The following PTPRD variants were observed in gnomAD, a reference collection of about 807,000 sequenced individuals.
The protein encoded by PTPRD is protein tyrosine phosphatase receptor type D.
In PTPRD, 34 loss-of-function variants were observed where a neutral mutation model predicts 214.5. That is an observed-to-expected ratio of 0.16 (90% CI 0.12 to 0.21). The LOEUF (loss-of-function observed/expected upper bound fraction) is 0.21, where lower values mean the gene tolerates loss of function less well. Among genes scored for constraint, PTPRD ranks in the 10% least tolerant of loss-of-function variants. PTPRD has a pLI of 1.00. For synonymous variants in PTPRD, 1,128 were observed against 845.7 expected, an observed-to-expected ratio of 1.33 and a Z score of -5.79; for missense variants, 2,545 against 2,398.7, an observed-to-expected ratio of 1.06 and a Z score of -1.27.
At chr9:9,481,422 T>C (rs961571404) in intron 8 of PTPRD, among the ~76,000 whole-genome samples, 2 of 152,118 alleles carry the variant, frequency 1.3e-5, no homozygotes, top group Non-Finnish European at 2.9e-5. Context: ...TATGTCAAAA[T>C]AGCATAATTT....
chr9:9,236,853 C>T (rs1309652464), intron 9 of PTPRD, among the ~76,000 whole-genome samples: 3 of 152,056 alleles, frequency 2.0e-5, no homozygotes, highest in Non-Finnish European at 4.4e-5. Context: ...AAATTGACTA[C>T]CGCCAGCTCT....
At chr9:10,561,213 T>C (rs2063878991) in intron 2 of PTPRD, among the ~76,000 whole-genome samples, 1 of 152,160 alleles carries the variant, frequency 6.6e-6, no homozygotes, top group South Asian at 2.1e-4. Flanking sequence ...TTAGAGCAGG[T>C]TATTGACTTT....
intron 10 of PTPRD, among the ~76,000 whole-genome samples, chr9:9,028,494 C>CA (rs2099594537): frequency 6.6e-6 from 1 of 151,902 alleles, no homozygotes; most frequent in Non-Finnish European, 1.5e-5. Flanking sequence ...CCTAAACTAA[C>CA]AATTAAATTT....
At chr9:10,608,272 T>C (rs779872771) in intron 2 of PTPRD, among the ~76,000 whole-genome samples, 15 of 152,032 alleles carry the variant, frequency 9.9e-5, no homozygotes, top group Non-Finnish European at 1.6e-4. Context: ...ATCCTTCTGA[T>C]ATTGGGTACA....
chr9:8,497,567 C>G (rs1000312261), intron 25 of PTPRD, among the ~76,000 whole-genome samples: 5 of 152,162 alleles, frequency 3.3e-5, no homozygotes, highest in African/African-American at 1.2e-4. Flanking sequence ...ATATCCTACT[C>G]GTATTTATTT....
chr9:8,599,894 A>G (rs2094729292), intron 14 of PTPRD, among the ~76,000 whole-genome samples: 1 of 152,142 alleles, frequency 6.6e-6, no homozygotes, highest in Admixed American at 6.5e-5. Flanking sequence ...TGGAATTTAC[A>G]GGCATGAGCC....
intron 30 of PTPRD, among the ~76,000 whole-genome samples, chr9:8,476,679 A>G (rs191576115): frequency 6.6e-6 from 1 of 152,312 alleles, no homozygotes; most frequent in Admixed American, 6.5e-5. Flanking sequence ...TTATATATTT[A>G]TAAAAACATT....
intron 9 of PTPRD, among the ~76,000 whole-genome samples, chr9:9,288,667 G>A (rs1950242391): frequency 1.3e-5 from 2 of 151,842 alleles, no homozygotes; most frequent in African/African-American, 2.4e-5. Flanking sequence ...TCATAGGTAA[G>A]TTAAATACAT....
chr9:8,410,810 G>A (rs1399545361), intron 35 of PTPRD, among the ~76,000 whole-genome samples: 4 of 151,988 alleles, frequency 2.6e-5, no homozygotes, highest in East Asian at 1.9e-4. Flanking sequence ...TAACAAATAC[G>A]TATAGAAAAT....
At chr9:9,067,213 AGAGT>A (rs1241488717) in intron 10 of PTPRD, among the ~76,000 whole-genome samples, 2 of 152,224 alleles carry the variant, frequency 1.3e-5, no homozygotes, top group Non-Finnish European at 2.9e-5. Context: ...CTGGGCAATA[AGAGT>A]GAGACTCCGT....
In PTPRD at chr9:10,155,940, C is replaced by T. The variant is rs141822312; in HGVS notation, c.-544-122150G>A. ...TTGTGTCTCTGGCATGTTTGGATAT[C>T]AGGATGATGCTGGCTTCATAGAATG... is the stretch of plus-strand genomic sequence containing the variant. On this transcript the variant is annotated intron_variant, in intron 3 of 45. Transcript: ENST00000381196. Among the ~76,000 whole-genome samples, 211 of 152,106 alleles carry T rather than the reference C, an allele frequency of 1.4e-3. 2 individuals carry two copies. Among genetic ancestry groups the T allele is most frequent in the African/African-American group, 4.8e-3 (198 of 41,502 alleles).
chr9:9,429,872 C>G (rs930993957), intron 8 of PTPRD, among the ~76,000 whole-genome samples: 1 of 152,104 alleles, frequency 6.6e-6, no homozygotes. Flanking sequence ...TAAAAACTCT[C>G]AATAAATTAG....
chr9:10,405,373 A>C (rs893400887), intron 2 of PTPRD, among the ~76,000 whole-genome samples: 2 of 151,702 alleles, frequency 1.3e-5, no homozygotes, highest in Non-Finnish European at 2.9e-5. Context: ...ATTTTCTACA[A>C]ATCTGTTAAC....
intron 11 of PTPRD, among the ~76,000 whole-genome samples, chr9:8,806,043 C>A (rs1019789540): frequency 6.6e-6 from 1 of 150,750 alleles, no homozygotes; most frequent in African/African-American, 2.4e-5. Flanking sequence ...CCTGCCTCAG[C>A]CTCCTGAGTA....
intron 10 of PTPRD, among the ~76,000 whole-genome samples, chr9:9,179,338 T>C (rs148968505): frequency 4.5e-4 from 68 of 152,272 alleles, no homozygotes; most frequent in African/African-American, 1.6e-3. Context: ...AGTATTGTTA[T>C]GTTCACCCCA....
chr9:9,700,293 T>C (rs77017357), intron 7 of PTPRD, among the ~76,000 whole-genome samples: 137 of 152,242 alleles, frequency 9.0e-4, no homozygotes, highest in African/African-American at 2.9e-3. Flanking sequence ...GAAATCTGTT[T>C]TTATTTTCTT....
intron 4 of PTPRD, among the ~76,000 whole-genome samples, chr9:9,990,431 A>G (rs1226442774): frequency 6.6e-6 from 1 of 152,220 alleles, no homozygotes; most frequent in Non-Finnish European, 1.5e-5. Context: ...GCTGCAAGTC[A>G]GTGAGGGGGC....
At chr9:8,773,479 A>C (rs2095324917) in intron 11 of PTPRD, among the ~76,000 whole-genome samples, 1 of 152,114 alleles carries the variant, frequency 6.6e-6, no homozygotes, top group Non-Finnish European at 1.5e-5. Flanking sequence ...GTACTTCAGG[A>C]CCTGAAGTCC....
chr9:9,799,411 A>G (rs1324989242), intron 5 of PTPRD: 1 of 152,198 alleles, frequency 6.6e-6, no homozygotes, highest in Non-Finnish European at 1.5e-5. Context: ...GTTATCCACA[A>G]TGTTTTGAAG....
Sources: allele counts gnomAD v4.1 joint callset (sites outside exome capture counted in the v4.1 genomes callset), GRCh38; gene constraint gnomAD v4.1.1; transcripts MANE v1.5; gene names NCBI Gene and HGNC (gene_info 2026-07-23, HGNC 2026-07-21).